GPATCH2L: variants seen among roughly 807,000 people sequenced by gnomAD.
GPATCH2L encodes G patch domain-containing protein 2-like.
A neutral mutation model predicts 57.4 loss-of-function variants in GPATCH2L; 31 were observed. The observed-to-expected ratio is 0.54, with a 90% CI of 0.41 to 0.73. GPATCH2L has a LOEUF of 0.73. Ranked by LOEUF, GPATCH2L falls within the 30% of genes least tolerant of loss-of-function variation. GPATCH2L has a pLI of 0.00. For missense variants in GPATCH2L, 481 were observed against 599.9 expected (o/e 0.80, Z 2.07); for synonymous variants, 199 against 210.7 (o/e 0.94, Z 0.48).
Position 76,209,849 on chromosome 14 carries a change from C to T in GPATCH2L, c.*7998C>T, listed in dbSNP as rs1162122138. 1.3e-5 allele frequency: 2 copies of T among 152,140 alleles called. No individual in the cohort carries two copies. Among genetic ancestry groups the T allele is most frequent in the Non-Finnish European group, 2.9e-5 (2 of 68,036 alleles). 9.4% of individuals were successfully genotyped at this position (152,140 alleles called of 1,614,324 possible). A position where few individuals can be genotyped will look rare whatever the true frequency, so the allele number is the denominator to read the frequency against. ...GATTCAAAATATGGGGTAGGTGGAT[C>T]TGATTAGTAGTCATATGCCTGTGTC... is the stretch of plus-strand genomic sequence containing the variant. On this transcript the variant is annotated 3_prime_UTR_variant, in exon 10 of 10. Coordinates refer to ENST00000261530, the MANE Select transcript of GPATCH2L (RefSeq NM_017926.4).
intron 9 of GPATCH2L, chr14:76,196,477 G>A: frequency 6.1e-6 from 1 of 163,044 alleles, no homozygotes; most frequent in Non-Finnish European, 1.2e-5. Flanking sequence ...AACACTAATT[G>A]GTAGAAGCCA....
chr14:76,162,048 C>CA (rs532038946), intron 2 of GPATCH2L, among the ~76,000 whole-genome samples: 100 of 151,558 alleles, frequency 6.6e-4, no homozygotes, highest in Non-Finnish European at 1.3e-3. Context: ...AAAAAATAAA[C>CA]AAAAAAAAAC....
chr14:76,171,880 ATG>A lies in GPATCH2L; in HGVS notation c.769_770del (p.Val257ProfsTer7), dbSNP rs1249860714. On this transcript the variant is annotated frameshift_variant, in exon 4 of 10. Transcript: ENST00000261530. LOFTEE classifies it high-confidence loss of function. Reference sequence around the variant, plus strand: ...AGAGTGATTGGTTCTATGAAGGAGAATGTGTCCCAGGATTCACTGTCCCTAAT... The same window carrying A: ...AGAGTGATTGGTTCTATGAAGGAGAATGTCCCAGGATTCACTGTCCCTAAT... ...EQSDWFYEGE[C>X]VPGFTVPNLL... 1 of 1,605,772 alleles carries A rather than the reference ATG, an allele frequency of 6.2e-7. No homozygotes were observed. Among genetic ancestry groups the A allele is most frequent in the Admixed American group, 1.7e-5 (1 of 58,900 alleles).
At chr14:76,182,945 T>A (rs891596888) in intron 8 of GPATCH2L, among the ~76,000 whole-genome samples, 1 of 152,244 alleles carries the variant, frequency 6.6e-6, no homozygotes, top group Non-Finnish European at 1.5e-5. Flanking sequence ...CTTTTTGTCT[T>A]AATACCAAAT....
intron 2 of GPATCH2L, among the ~76,000 whole-genome samples, chr14:76,235,416 G>A (rs2040594437): frequency 6.6e-6 from 1 of 152,092 alleles, no homozygotes. Flanking sequence ...TTATAAATGG[G>A]AGTTCACCTG....
At chr14:76,221,437 G>A (rs971483583) in intron 1 of GPATCH2L, among the ~76,000 whole-genome samples, 1 of 152,136 alleles carries the variant, frequency 6.6e-6, no homozygotes, top group South Asian at 2.1e-4. Context: ...AAGACGGTTT[G>A]GCAGTTTCTT....
chr14:76,170,283 T>C (rs574485147), intron 3 of GPATCH2L, among the ~76,000 whole-genome samples: 2 of 152,304 alleles, frequency 1.3e-5, no homozygotes, highest in Admixed American at 1.3e-4. Context: ...CAGTGTACAT[T>C]AGAGACTGAC....
chr14:76,163,646 C>G (rs966281883), intron 2 of GPATCH2L, among the ~76,000 whole-genome samples: 2 of 152,162 alleles, frequency 1.3e-5, no homozygotes, highest in African/African-American at 4.8e-5. Flanking sequence ...CTAGAAGTAG[C>G]TTTCTAATCT....
chr14:76,173,174 A>G (rs1210091353), intron 4 of GPATCH2L, among the ~76,000 whole-genome samples: 1 of 152,192 alleles, frequency 6.6e-6, no homozygotes, highest in Non-Finnish European at 1.5e-5. Flanking sequence ...TTTTTGACGT[A>G]CAAACTAACA....
At chr14:76,167,589 G>T (rs565487784) in intron 3 of GPATCH2L, among the ~76,000 whole-genome samples, 1 of 152,330 alleles carries the variant, frequency 6.6e-6, no homozygotes, top group South Asian at 2.1e-4. Flanking sequence ...GATTTTTGGA[G>T]AAGGACTGTG....
chr14:76,218,684 GAT>G (rs1276185059), downstream of GPATCH2L, among the ~76,000 whole-genome samples: 4 of 150,528 alleles, frequency 2.7e-5, no homozygotes, highest in East Asian at 1.9e-4. Context: ...ATTAAAAAAA[GAT>G]AGAGGGAGAC....
chr14:76,182,656 C>T (rs1043210553), intron 8 of GPATCH2L, among the ~76,000 whole-genome samples: 4 of 151,294 alleles, frequency 2.6e-5, no homozygotes, highest in African/African-American at 9.7e-5. Flanking sequence ...AGTAGTAAGG[C>T]CTTTCCTTCA....
intron 3 of GPATCH2L, among the ~76,000 whole-genome samples, chr14:76,167,468 G>A (rs2038896946): frequency 6.6e-6 from 1 of 152,120 alleles, no homozygotes; most frequent in African/African-American, 2.4e-5. Flanking sequence ...TTTTCTCCAC[G>A]GGTTAAGCAA....
intron 8 of GPATCH2L, among the ~76,000 whole-genome samples, chr14:76,193,303 T>A (rs1431595320): frequency 2.0e-5 from 3 of 151,976 alleles, no homozygotes; most frequent in Non-Finnish European, 4.4e-5. Flanking sequence ...GAGTTGATAA[T>A]ATGGGCCTTT....
intron 4 of GPATCH2L, among the ~76,000 whole-genome samples, chr14:76,172,438 A>T (rs548372742): frequency 6.6e-6 from 1 of 152,244 alleles, no homozygotes; most frequent in Admixed American, 6.5e-5. Context: ...GGATGCTTTT[A>T]AAATAATTTA....
rs745865209 is a variant in GPATCH2L at position 76,154,624 on chromosome 14, C to T, written c.261C>T (p.Asp87=). 17 of 1,614,124 alleles carry T rather than the reference C, an allele frequency of 1.1e-5. No homozygotes were observed. The highest frequency in any genetic ancestry group is 4.5e-5 in the East Asian group (2 of 44,902). ...TGGCTCCGGTGACCAATTTTAGTGA[C>T]TCTGATGACACAATGGTAGCCAAAC... The part of the protein sequence containing the change: ...REVAPVTNFS[D]SDDTMVAKRH... The change falls in exon 2 of 10, where the codon GAC becomes GAT. Residue 87 remains aspartate, a synonymous_variant. Coordinates refer to ENST00000261530, the MANE Select transcript of GPATCH2L (RefSeq NM_017926.4). The surrounding 1 kb of genome is among the most constrained non-coding windows in gnomAD (Gnocchi z 4.4).
intron 2 of GPATCH2L, among the ~76,000 whole-genome samples, chr14:76,231,343 C>T (rs942551039): frequency 2.0e-5 from 3 of 152,144 alleles, no homozygotes; most frequent in Non-Finnish European, 4.4e-5. Flanking sequence ...TGCTGCCTGT[C>T]GCCCTGCTCA....
At chr14:76,173,691 C>A in intron 5 of GPATCH2L, 66 bp downstream of exon 5, 1 of 1,003,950 alleles carries the variant, frequency 1.0e-6, no homozygotes. Context: ...GTTGTGTATC[C>A]TATTAACAAT....
At chr14:76,228,292 G>A (rs142926892) in intron 1 of GPATCH2L, among the ~76,000 whole-genome samples, 1 of 152,276 alleles carries the variant, frequency 6.6e-6, no homozygotes, top group African/African-American at 2.4e-5. Flanking sequence ...TTTGAATGTT[G>A]GATTCCTTTG....
Sources: gnomAD v4.1 joint callset for allele counts (sites outside exome capture counted in the v4.1 genomes callset) on GRCh38, gnomAD v4.1.1 for gene constraint, Gnocchi (gnomAD v3.1) non-coding constraint, MANE v1.5 for transcripts, NCBI Gene and HGNC (gene_info 2026-07-23, HGNC 2026-07-21) for gene names.